ARNT2: variants seen among roughly 807,000 people sequenced by gnomAD.
ARNT2 encodes the protein ARNT protein 2.
A neutral mutation model predicts 91.7 loss-of-function variants in ARNT2; 36 were observed. The observed-to-expected ratio is 0.39, with a 90% CI of 0.30 to 0.52. The LOEUF is 0.52. ARNT2 is among the 20% of genes least tolerant of loss of function. ARNT2 has a pLI of 0.72. For missense variants in ARNT2, 775 were observed against 939.3 expected, an observed-to-expected ratio of 0.83 and a Z score of 2.29; for synonymous variants, 365 against 347.1, an observed-to-expected ratio of 1.05 and a Z score of -0.57.
In ARNT2 at chr15:80,519,999, C is replaced by CTT. The variant is rs79950273; in HGVS notation, c.877+5609_877+5610dup. Among the ~76,000 whole-genome samples the CTT allele has an allele frequency of 9.0e-3, 1,192 of 132,234 alleles. 11 individuals carry two copies. The highest frequency in any genetic ancestry group is 0.031 in the African/African-American group (1,125 of 36,108). 86.8% of individuals were successfully genotyped at this position (132,234 alleles called of 152,430 possible). On this transcript the variant is annotated intron_variant, in intron 8 of 18. Coordinates refer to ENST00000303329, the MANE Select transcript of ARNT2 (RefSeq NM_014862.4). ...AGGTGTGAGCCACCGTGCCTGGCCG[C>CTT]TTTTTTTTTTTTTTTTAAATCTTTG...
chr15:80,501,649 G>A (rs1897194286), intron 5 of ARNT2, among the ~76,000 whole-genome samples: 2 of 152,216 alleles, frequency 1.3e-5, no homozygotes, highest in Non-Finnish European at 2.9e-5. Flanking sequence ...CTAACTCCCG[G>A]TCTCAGGAGA....
Position 80,580,394 on chromosome 15 carries a change from A to T in ARNT2, c.1614-17A>T, listed in dbSNP as rs746443006. ...CCAGGTGTGTCCTCGGGATAAATGC[A>T]TTTTCCTCTTTTCTAGCTCTTCAGT... On this transcript the variant is annotated splice_polypyrimidine_tract_variant and intron_variant, in intron 15 of 18. Transcript: ENST00000303329. The T allele has an allele frequency of 3.1e-6, 5 of 1,613,786 alleles. No individual in the cohort carries two copies. Among genetic ancestry groups the T allele is most frequent in the Non-Finnish European group, 4.2e-6 (5 of 1,179,938 alleles).
intron 11 of ARNT2, among the ~76,000 whole-genome samples, chr15:80,559,315 TCCCAGC>T (rs1171259071): frequency 2.6e-5 from 4 of 151,354 alleles, no homozygotes; most frequent in Non-Finnish European, 4.4e-5. Flanking sequence ...GTGCCGGCAG[TCCCAGC>T]CCCAGACCCA....
intron 1 of ARNT2, among the ~76,000 whole-genome samples, chr15:80,417,354 C>G (rs1406102811): frequency 6.9e-6 from 1 of 145,574 alleles, no homozygotes. Context: ...TTAAGTTTCA[C>G]TTGAAAACAA....
chr15:80,419,251 A>G (rs1895828881), intron 1 of ARNT2, among the ~76,000 whole-genome samples: 1 of 152,132 alleles, frequency 6.6e-6, no homozygotes. Flanking sequence ...GGCATTTCTA[A>G]CAAGTTCCAG....
chr15:80,502,172 G>A (rs1897206473), intron 5 of ARNT2, among the ~76,000 whole-genome samples: 1 of 152,226 alleles, frequency 6.6e-6, no homozygotes. Context: ...TTCAAAGAAT[G>A]GGGAAGGTGA....
intron 1 of ARNT2, among the ~76,000 whole-genome samples, chr15:80,408,765 A>G (rs1895640756): frequency 6.6e-6 from 1 of 152,234 alleles, no homozygotes; most frequent in African/African-American, 2.4e-5. Context: ...ATGGACTTAT[A>G]AGAAAAAAAT....
rs139866207 is a variant in ARNT2 at position 80,531,876 on chromosome 15, C to T, written c.877+17471C>T. Among the ~76,000 whole-genome samples the T allele has an allele frequency of 2.6e-5, 4 of 152,304 alleles. No individual in the cohort carries two copies. In the East Asian group the frequency reaches 7.7e-4, roughly 29 times the overall value. On this transcript the variant is annotated intron_variant, in intron 8 of 18. Coordinates refer to ENST00000303329, the MANE Select transcript of ARNT2 (RefSeq NM_014862.4). ...GGTTCTGAATCTCAGCTGACCCTAACGTCTCTCAGCTCCCCAGCACTTCCT... is the reference window on the plus strand; with the variant it reads ...GGTTCTGAATCTCAGCTGACCCTAATGTCTCTCAGCTCCCCAGCACTTCCT...
intron 14 of ARNT2, among the ~76,000 whole-genome samples, chr15:80,575,395 T>C (rs1021259905): frequency 6.6e-6 from 1 of 152,124 alleles, no homozygotes; most frequent in East Asian, 1.9e-4. Flanking sequence ...GGGTAGAAAT[T>C]TGAAGATTCT....
chr15:80,421,216 G>T (rs1895855742), intron 1 of ARNT2, among the ~76,000 whole-genome samples: 1 of 152,094 alleles, frequency 6.6e-6, no homozygotes, highest in South Asian at 2.1e-4. Context: ...ATGTGCAGGG[G>T]CATACAGGGT....
intron 1 of ARNT2, among the ~76,000 whole-genome samples, chr15:80,416,177 G>GT (rs1032197306): frequency 1.2e-4 from 18 of 152,304 alleles, no homozygotes; most frequent in African/African-American, 4.1e-4. Context: ...AATGTTTTAT[G>GT]TTGAACTTAT....
At chr15:80,406,153 T>G (rs1430690552) in intron 1 of ARNT2, among the ~76,000 whole-genome samples, 3 of 151,982 alleles carry the variant, frequency 2.0e-5, no homozygotes, top group African/African-American at 7.3e-5. Flanking sequence ...CTGATTAGAT[T>G]TGGAGTAAGA....
intron 8 of ARNT2, among the ~76,000 whole-genome samples, chr15:80,536,044 G>A (rs941927665): frequency 1.3e-5 from 2 of 152,072 alleles, no homozygotes; most frequent in Non-Finnish European, 2.9e-5. Flanking sequence ...TTTTATTATG[G>A]TCTAGAAAAC....
chr15:80,446,708 A>G (rs982659671), intron 1 of ARNT2, among the ~76,000 whole-genome samples: 2 of 152,204 alleles, frequency 1.3e-5, no homozygotes, highest in South Asian at 2.1e-4. Context: ...GGGTGGATGT[A>G]AAGCTTGTGC....
At chr15:80,514,012 T>C (rs1234883264) in intron 7 of ARNT2, 36 bp downstream of exon 7, 1 of 1,575,352 alleles carries the variant, frequency 6.3e-7, no homozygotes, top group Admixed American at 1.7e-5. Flanking sequence ...TTGGGACTGT[T>C]CTGGTAGATA....
intron 8 of ARNT2, among the ~76,000 whole-genome samples, chr15:80,518,340 G>A (rs972166151): frequency 4.9e-5 from 7 of 143,872 alleles, no homozygotes; most frequent in Non-Finnish European, 1.0e-4. Context: ...GAGTGCAGTG[G>A]TGCAATCTCA....
intron 1 of ARNT2, among the ~76,000 whole-genome samples, chr15:80,448,592 G>T (rs1896339547): frequency 6.6e-6 from 1 of 152,174 alleles, no homozygotes; most frequent in African/African-American, 2.4e-5. Flanking sequence ...AACGGGGAAG[G>T]GATGACAACA....
At chr15:80,575,201 G>A (rs1488862228) in intron 14 of ARNT2, 91 bp downstream of exon 14, 39 of 1,519,136 alleles carry the variant, frequency 2.6e-5, no homozygotes, top group Non-Finnish European at 3.5e-5. Context: ...GTAAGAGGGG[G>A]CCACGGAAGG....
rs573286999 is a variant in ARNT2 at position 80,409,927 on chromosome 15, G to A, written c.31+5381G>A. ...GAGAACAGGGAGCAAGGGTGAAAGC[G>A]GTGTGAGAAGCTGGAGCTGCGGTAG... On this transcript the variant is annotated intron_variant, in intron 1 of 18. Coordinates refer to ENST00000303329, the MANE Select transcript of ARNT2 (RefSeq NM_014862.4). Among the ~76,000 whole-genome samples, 6 of 152,258 alleles carry A rather than the reference G, an allele frequency of 3.9e-5. No homozygotes were observed. In the South Asian group the frequency reaches 1.2e-3, roughly 32 times the overall value.
Sources: allele counts gnomAD v4.1 joint callset (sites outside exome capture counted in the v4.1 genomes callset), GRCh38; gene constraint gnomAD v4.1.1; transcripts MANE v1.5; gene names NCBI Gene and HGNC (gene_info 2026-07-23, HGNC 2026-07-21).